The following RIMBP2 variants were observed in gnomAD, a reference collection of about 807,000 sequenced individuals.
RIMBP2 encodes RIMS-binding protein 2.
RIMBP2 carries 48 observed loss-of-function variants against 118.6 expected under a neutral mutation model. The ratio of observed to expected loss-of-function variants is 0.40; its 90% CI spans 0.32 to 0.51. The LOEUF is 0.51. RIMBP2 is among the 20% of genes least tolerant of loss of function. RIMBP2 has a pLI of 0.41. For synonymous variants in RIMBP2, 762 were observed against 742.9 expected (o/e 1.03, Z -0.42); for missense variants, 1,551 against 1,768.3 (o/e 0.88, Z 2.20).
At chr12:130,402,646 T>C (rs1441194191) in intron 21 of RIMBP2, among the ~76,000 whole-genome samples, 1 of 152,224 alleles carries the variant, frequency 6.6e-6, no homozygotes, top group Non-Finnish European at 1.5e-5. Context: ...ACCATTTCTC[T>C]ATTTGCGGCC....
chr12:130,412,113 T>A (rs2075765032), intron 19 of RIMBP2, among the ~76,000 whole-genome samples: 2 of 152,280 alleles, frequency 1.3e-5, no homozygotes, highest in Admixed American at 1.3e-4. Context: ...AAAATAGTTT[T>A]GCTGCATTCT....
chr12:130,604,166 G>C (rs2060027615), intron 2 of RIMBP2, among the ~76,000 whole-genome samples: 1 of 151,788 alleles, frequency 6.6e-6, no homozygotes, highest in Non-Finnish European at 1.5e-5. Flanking sequence ...GTGTTAAAAT[G>C]TTTTAAAATA....
chr12:130,679,440 G>A (rs188005668), intron 1 of RIMBP2, among the ~76,000 whole-genome samples: 321 of 152,288 alleles, frequency 2.1e-3, no homozygotes, highest in Admixed American at 1.7e-3. Context: ...TCTCACAATC[G>A]CCTTTTTAAA....
intron 5 of RIMBP2, chr12:130,472,220 C>T (rs902492811): frequency 6.6e-6 from 1 of 152,254 alleles, no homozygotes; most frequent in Non-Finnish European, 1.5e-5. Flanking sequence ...GGCACAAAAA[C>T]AATTTCCTGT....
At chr12:130,570,266 A>G (rs1177923137) in intron 2 of RIMBP2, among the ~76,000 whole-genome samples, 1 of 152,062 alleles carries the variant, frequency 6.6e-6, no homozygotes, top group Non-Finnish European at 1.5e-5. Flanking sequence ...TCTATAAAAA[A>G]CACAAAAAAA....
In RIMBP2 at chr12:130,396,568, G is replaced by C. The variant is rs2074091409; in HGVS notation, c.*793C>G. 6.6e-6 allele frequency: 1 copy of C among 152,640 alleles called. No individual in the cohort carries two copies. Among genetic ancestry groups the C allele is most frequent in the Non-Finnish European group, 1.5e-5 (1 of 68,036 alleles). 9.5% of individuals were successfully genotyped at this position (152,640 alleles called of 1,614,324 possible). ...GATTACTTGTGTGCCATTCATTGCT[G>C]TGTATTTGGGTATGGCATTTTGACA... On this transcript the variant is annotated 3_prime_UTR_variant, in exon 23 of 23. Transcript: ENST00000690449.
chr12:130,659,293 C>T (rs1566434511), intron 1 of RIMBP2, among the ~76,000 whole-genome samples: 3 of 152,074 alleles, frequency 2.0e-5, no homozygotes, highest in Non-Finnish European at 4.4e-5. Flanking sequence ...TAATGTCGGC[C>T]GGGTGCGGTG....
chr12:130,572,147 T>G (rs1403978344), intron 2 of RIMBP2, among the ~76,000 whole-genome samples: 1 of 96,192 alleles, frequency 1.0e-5, no homozygotes, highest in Non-Finnish European at 2.8e-5. Context: ...CCAGGAGTTA[T>G]GAGGAAGGCC....
In RIMBP2 at chr12:130,442,173, G is replaced by A. The variant is rs2137171134; in HGVS notation, c.1179C>T (p.Ser393=). Residue 393 remains serine (S), a synonymous_variant, in exon 11 of 23, where the codon AGC becomes AGT. Coordinates refer to ENST00000690449, the MANE Select transcript of RIMBP2 (RefSeq NM_001393629.1). The surrounding 1 kb of genome is among the most constrained non-coding windows in gnomAD (Gnocchi z 6.9). ...ISVQCVTSRG[S]SDELQCTLLV... Reference sequence around the variant, plus strand: ...GCAGCGTGCACTGCAGCTCATCCGAGCTGCCCCTGCTGGTGACGCACTGCA... The same window carrying A: ...GCAGCGTGCACTGCAGCTCATCCGAACTGCCCCTGCTGGTGACGCACTGCA... 1.2e-6 allele frequency: 2 copies of A among 1,614,204 alleles called. No homozygotes were observed. The highest frequency in any genetic ancestry group is 1.1e-5 in the South Asian group (1 of 91,082).
chr12:130,407,800 A>G lies in RIMBP2; in HGVS notation c.3619T>C (p.Ser1207Pro). 2 of 1,613,962 alleles carry G rather than the reference A, an allele frequency of 1.2e-6. No individual in the cohort carries two copies. The highest frequency in any genetic ancestry group is 1.7e-6 in the Non-Finnish European group (2 of 1,179,906). The part of the protein sequence containing the change: ...ERSRRSGRRH[S>P]VSTRRMVALY... Reference sequence around the variant, plus strand: ...GCCACCATTCTCCGCGTCGATACCGAATGACGCCTGCCACTTCTCCTGCTT... The same window carrying G: ...GCCACCATTCTCCGCGTCGATACCGGATGACGCCTGCCACTTCTCCTGCTT... Residue 1207 changes from serine to proline, a missense_variant, in exon 20 of 23, where the codon TCG (serine) becomes CCG (proline). Transcript: ENST00000690449.
chr12:130,602,064 C>T (rs2059909306), intron 2 of RIMBP2, among the ~76,000 whole-genome samples: 4 of 152,050 alleles, frequency 2.6e-5, no homozygotes, highest in African/African-American at 2.4e-5. Flanking sequence ...TTTCAGAGGC[C>T]GAGGCGGGTG....
chr12:130,532,658 C>T lies in RIMBP2; in HGVS notation c.-216-14741G>A, dbSNP rs79925597. On this transcript the variant is annotated intron_variant, in intron 2 of 22. Coordinates refer to ENST00000690449, the MANE Select transcript of RIMBP2 (RefSeq NM_001393629.1). ...GTACGTCTAATGAGATGCATGTGTT[C>T]AGCCTCTAGGAGGGACGTCTAATGA... 2.1e-3 allele frequency among the ~76,000 whole-genome samples: 170 copies of T among 80,552 alleles called. 4 individuals carry two copies. Among genetic ancestry groups the T allele is most frequent in the Middle Eastern group, 0.011 (1 of 94 alleles). The allele number at this position is 80,552 out of a possible 152,430, so 52.8% of individuals were successfully genotyped here.
At chr12:130,619,598 C>T (rs1258866626) in intron 2 of RIMBP2, among the ~76,000 whole-genome samples, 1 of 152,158 alleles carries the variant, frequency 6.6e-6, no homozygotes, top group Non-Finnish European at 1.5e-5. Context: ...GAAATGCACA[C>T]GCACGTGTTA....
chr12:130,701,722 CA>C (rs1400518969), intron 1 of RIMBP2, among the ~76,000 whole-genome samples: 9 of 152,086 alleles, frequency 5.9e-5, no homozygotes, highest in Non-Finnish European at 1.2e-4. Flanking sequence ...CTGCAAAATT[CA>C]TTGTTTTTCT....
At chr12:130,470,792 G>A in intron 5 of RIMBP2, 49 bp from the exon 6 acceptor site, 1 of 1,097,828 alleles carries the variant, frequency 9.1e-7, no homozygotes, top group Non-Finnish European at 1.2e-6. Context: ...AAAGGGGAAA[G>A]AAGACAATCG....
At chr12:130,618,511 G>A (rs1187503897) in intron 2 of RIMBP2, among the ~76,000 whole-genome samples, 1 of 152,084 alleles carries the variant, frequency 6.6e-6, no homozygotes, top group East Asian at 1.9e-4. Context: ...GAAACATCCC[G>A]GTGTTCAGCA....
At chr12:130,423,830 C>T (rs1229384968) in intron 16 of RIMBP2, among the ~76,000 whole-genome samples, 1 of 151,718 alleles carries the variant, frequency 6.6e-6, no homozygotes, top group Admixed American at 6.6e-5. Context: ...TGTTGCCAAA[C>T]TTTCAGATAA....
intron 1 of RIMBP2, among the ~76,000 whole-genome samples, chr12:130,690,681 A>G (rs917824692): frequency 1.3e-5 from 2 of 152,172 alleles, no homozygotes; most frequent in African/African-American, 4.8e-5. Flanking sequence ...CAGTGAGTCC[A>G]CCAACTGTAG....
intron 22 of RIMBP2, 168 bp from the exon 23 acceptor site, chr12:130,397,717 C>T (rs1169017296): frequency 7.7e-6 from 3 of 388,278 alleles, no homozygotes; most frequent in East Asian, 3.7e-5. Flanking sequence ...TCCCACAGCA[C>T]GCCAGAGAGA....
Sources: allele counts gnomAD v4.1 joint callset (sites outside exome capture counted in the v4.1 genomes callset), GRCh38; gene constraint gnomAD v4.1.1; non-coding constraint Gnocchi (gnomAD v3.1); transcripts MANE v1.5; gene names NCBI Gene and HGNC (gene_info 2026-07-23, HGNC 2026-07-21).